Variants in LAMA4 observed in about 807,000 individuals in gnomAD.
LAMA4 encodes laminin subunit alpha 4.
Under a neutral mutation model 207.1 loss-of-function variants are expected in LAMA4, and 127 were observed. The observed-to-expected ratio is 0.61, with a 90% CI of 0.53 to 0.71. The LOEUF is 0.71. LAMA4 is among the 30% of genes least tolerant of loss of function. The pLI, the probability that LAMA4 is intolerant of heterozygous loss-of-function variation, is 0.00. For synonymous variants in LAMA4, 761 were observed against 816.0 expected (o/e 0.93, Z 1.15); for missense variants, 2,093 against 2,246.5 (o/e 0.93, Z 1.38).
At chr6:112,194,964 T>G (rs887888498) in intron 5 of LAMA4, among the ~76,000 whole-genome samples, 1 of 152,200 alleles carries the variant, frequency 6.6e-6, no homozygotes. Context: ...TCATTTTGGT[T>G]AGTGATTTTA....
Position 112,144,890 on chromosome 6 carries a change from A to C in LAMA4, c.2397T>G (p.Leu799=), listed in dbSNP as rs1554334164. 4 of 1,614,042 alleles carry C rather than the reference A, an allele frequency of 2.5e-6. No homozygotes were observed. The highest frequency in any genetic ancestry group is 3.4e-6 in the Non-Finnish European group (4 of 1,180,000). Residue 799 remains leucine (L), a synonymous_variant, in exon 19 of 39, where the codon CTT becomes CTG. Transcript: ENST00000230538. ...TEVVPQLLDQ[L]RTVEQKRPAS... The stretch of plus-strand genomic sequence containing the variant: ...CAGGTCGCTTCTGCTCAACCGTACG[A>C]AGCTGATCCAGGAGCTGAGGGACAA...
chr6:112,120,408 G>C lies in LAMA4; in HGVS notation c.4540C>G (p.Gln1514Glu), dbSNP rs1417736121. The change falls in exon 33 of 39, where the codon CAA (glutamine) becomes GAA (glutamate). Residue 1514 changes from glutamine (Q) to glutamate (E), a missense_variant. Physicochemically the swap from Gln to Glu is conservative, Grantham distance 29. Coordinates refer to ENST00000230538, the MANE Select transcript of LAMA4 (RefSeq NM_001105206.3). Reference sequence around the variant, plus strand: ...AGAGTCATGAAGTCATTCTCTTCTTGATCTGAGACATAGAAGATCATGCCA... The same window carrying C: ...AGAGTCATGAAGTCATTCTCTTCTTCATCTGAGACATAGAAGATCATGCCA... ...SHGMIFYVSD[Q>E]EENDFMTLFL... The C allele has an allele frequency of 5.6e-6, 9 of 1,613,674 alleles. No individual in the cohort carries two copies. In the East Asian group the frequency reaches 8.9e-5, roughly 16 times the overall value.
intron 21 of LAMA4, 127 bp downstream of exon 21, chr6:112,141,231 G>T: frequency 1.0e-6 from 1 of 982,344 alleles, no homozygotes. Context: ...ATAAAGGGAG[G>T]AAAATGCTAT....
At position 112,148,245 on chromosome 6, in the gene LAMA4, C is replaced by CA. The variant is rs781957234; in HGVS notation, c.2264dup (p.Met755IlefsTer16). 6.2e-7 allele frequency: 1 copy of CA among 1,614,146 alleles called. No individual in the cohort carries two copies. Among genetic ancestry groups the CA allele is most frequent in the Non-Finnish European group, 8.5e-7 (1 of 1,180,022 alleles). On this transcript the variant is annotated frameshift_variant, in exon 18 of 39. Coordinates refer to ENST00000230538, the MANE Select transcript of LAMA4 (RefSeq NM_001105206.3). LOFTEE classifies it high-confidence loss of function. ...GTGACCAGTTGGTTAGATTGTTGGC[C>CA]ATGGGGGCAGTGGCCTGCTGCACCT...
chr6:112,129,153 G>C, intron 30 of LAMA4, 78 bp from the exon 31 acceptor site: 1 of 1,288,518 alleles, frequency 7.8e-7, no homozygotes. Flanking sequence ...GGAAGTGAAA[G>C]AGCTTTGGCA....
chr6:112,210,446 A>G (rs1374691482), intron 3 of LAMA4, among the ~76,000 whole-genome samples: 2 of 152,190 alleles, frequency 1.3e-5, no homozygotes, highest in South Asian at 2.1e-4. Flanking sequence ...TCGATTGCAG[A>G]TAAGTGTTGG....
intron 2 of LAMA4, among the ~76,000 whole-genome samples, chr6:112,221,938 A>AT (rs1290730903): frequency 6.6e-6 from 1 of 152,204 alleles, no homozygotes; most frequent in Non-Finnish European, 1.5e-5. Context: ...TTCACAAGCC[A>AT]TTTTTTTCTG....
intron 28 of LAMA4, 137 bp from the exon 29 acceptor site, chr6:112,131,238 A>G (rs1779016112): frequency 1.3e-6 from 1 of 777,782 alleles, no homozygotes; most frequent in South Asian, 1.5e-5. Context: ...ATTTCTATAA[A>G]TAACAACCAA....
Position 112,187,477 on chromosome 6 carries a change from T to G in LAMA4, c.939A>C (p.Glu313Asp). ...SGAAAHRHVN[E>D]INATIYLLKT... ...TGAGGAGGTAGATGGTGGCGTTGAT[T>G]TCATTCACGTGCCTATGAGCGGCGG... The change falls in exon 8 of 39, where the codon GAA becomes GAC. Residue 313 changes from glutamate (E) to aspartate (D), a missense_variant. Glu to Asp is a conservative substitution (Grantham distance 45, BLOSUM62 2). This residue lies in a region of LAMA4 where 1,704 missense variants were observed against 1,788.4 expected (regional missense o/e 0.95). Transcript: ENST00000230538. 4 of 1,614,092 alleles carry G rather than the reference T, an allele frequency of 2.5e-6. No homozygotes were observed. Among genetic ancestry groups the G allele is most frequent in the Non-Finnish European group, 3.4e-6 (4 of 1,180,000 alleles).
At chr6:112,169,799 ATAAGTT>A (rs1781607188) in intron 12 of LAMA4, among the ~76,000 whole-genome samples, 1 of 152,234 alleles carries the variant, frequency 6.6e-6, no homozygotes, top group Non-Finnish European at 1.5e-5. Context: ...AAAAATCTGT[ATAAGTT>A]TATTTAAAAG....
rs587605261 is a variant in LAMA4 at position 112,110,171 on chromosome 6, G to A, written c.5327-589C>T. 4.6e-5 allele frequency among the ~76,000 whole-genome samples: 7 copies of A among 151,716 alleles called. No homozygotes were observed. In the South Asian group the frequency reaches 8.3e-4, roughly 18 times the overall value. ...TCGCTTAGTCTTTGTGTGGGCACAA[G>A]TGCCCTGTGGTATGCCAAGGGAACT... On this transcript the variant is annotated intron_variant, in intron 38 of 38. Coordinates refer to ENST00000230538, the MANE Select transcript of LAMA4 (RefSeq NM_001105206.3).
At chr6:112,214,666 T>A (rs1266482942) in intron 3 of LAMA4, among the ~76,000 whole-genome samples, 1 of 152,244 alleles carries the variant, frequency 6.6e-6, no homozygotes, top group Non-Finnish European at 1.5e-5. Context: ...CTTTTTGTAT[T>A]CATTTTCTGC....
chr6:112,232,626 C>G (rs1785635854), intron 2 of LAMA4, among the ~76,000 whole-genome samples: 2 of 152,188 alleles, frequency 1.3e-5, no homozygotes, highest in South Asian at 4.2e-4. Flanking sequence ...AATTTTGCCC[C>G]CAGATAACTG....
chr6:112,122,879 A>G (rs1364816532), intron 31 of LAMA4, among the ~76,000 whole-genome samples: 1 of 152,230 alleles, frequency 6.6e-6, no homozygotes, highest in Non-Finnish European at 1.5e-5. Context: ...TCATTTATTC[A>G]AGCAAATGTT....
Position 112,139,377 on chromosome 6 carries a change from AT to A in LAMA4, c.3111-87del, listed in dbSNP as rs1562650849. 3 of 1,395,074 alleles carry A rather than the reference AT, an allele frequency of 2.2e-6. No homozygotes were observed. The African/African-American group carries it at 4.2e-5, about 20-fold the overall frequency. 86.4% of individuals were successfully genotyped at this position (1,395,074 alleles called of 1,614,324 possible). A position where few individuals can be genotyped will look rare whatever the true frequency, so the allele number is the denominator to read the frequency against. On this transcript the variant is annotated intron_variant, in intron 23 of 38. Transcript: ENST00000230538. ...AGCCCTTTTAACCCATTCTTCTAACATCTTCTGTGGACCTTACAACATTTAA... is the reference window on the plus strand; with the variant it reads ...AGCCCTTTTAACCCATTCTTCTAACACTTCTGTGGACCTTACAACATTTAA...
intron 2 of LAMA4, among the ~76,000 whole-genome samples, chr6:112,243,224 C>A (rs1786651962): frequency 6.6e-6 from 1 of 152,056 alleles, no homozygotes. Context: ...GGGTTGGTAA[C>A]CTGTGCTGCA....
chr6:112,198,143 C>T (rs543696102), intron 5 of LAMA4, among the ~76,000 whole-genome samples: 28 of 152,056 alleles, frequency 1.8e-4, no homozygotes, highest in African/African-American at 5.8e-4. Context: ...CATGAGAATC[C>T]GACGGGAAGT....
chr6:112,184,339 ACT>A (rs1206594410), intron 9 of LAMA4, among the ~76,000 whole-genome samples: 1 of 151,904 alleles, frequency 6.6e-6, no homozygotes, highest in African/African-American at 2.4e-5. Context: ...AAAAAAAAAA[ACT>A]GTGTTAAACA....
At chr6:112,156,194 C>G (rs1052262034) in intron 14 of LAMA4, among the ~76,000 whole-genome samples, 1 of 152,014 alleles carries the variant, frequency 6.6e-6, no homozygotes, top group African/African-American at 2.4e-5. Context: ...AGTGAGACAG[C>G]CCCAGCCCTT....
Sources: allele counts gnomAD v4.1 joint callset (sites outside exome capture counted in the v4.1 genomes callset), GRCh38; gene constraint gnomAD v4.1.1; regional missense constraint gnomAD v4.1.1; transcripts MANE v1.5; gene names NCBI Gene and HGNC (gene_info 2026-07-23, HGNC 2026-07-21).